The following CTTNBP2 variants were observed in gnomAD, a reference collection of about 807,000 sequenced individuals.
The protein encoded by CTTNBP2 is cortactin binding protein 2.
Under a neutral mutation model 156.9 loss-of-function variants are expected in CTTNBP2, and 108 were observed. That is an observed-to-expected ratio of 0.69 (90% confidence interval 0.59 to 0.81). CTTNBP2 has a LOEUF of 0.81. Ranked by LOEUF, CTTNBP2 falls within the 30% of genes least tolerant of loss-of-function variation. The pLI is 0.00. For synonymous variants in CTTNBP2, 767 were observed against 751.8 expected (o/e 1.02, Z -0.33); for missense variants, 1,924 against 2,035.4 (o/e 0.95, Z 1.05).
At chr7:117,760,928 C>A (rs1022780901) in intron 9 of CTTNBP2, among the ~76,000 whole-genome samples, 71 of 152,226 alleles carry the variant, frequency 4.7e-4, no homozygotes, top group Non-Finnish European at 7.4e-5. Flanking sequence ...CGAACTGTCT[C>A]TTTCCTTGTA....
chr7:117,854,526 C>T (rs1333869009), intron 2 of CTTNBP2, among the ~76,000 whole-genome samples: 1 of 152,148 alleles, frequency 6.6e-6, no homozygotes, highest in African/African-American at 2.4e-5. Context: ...AGCACTGAAC[C>T]ATACAACCAT....
rs1795088424 is a variant in CTTNBP2 at position 117,726,197 on chromosome 7, G to C, written c.4056-940C>G. On this transcript the variant is annotated intron_variant, in intron 17 of 22. Coordinates refer to ENST00000160373, the MANE Select transcript of CTTNBP2 (RefSeq NM_033427.3). ...TTCCATCAAAAAAAGATTATGCTTT[G>C]TTGCAGTATTAAAAAACACTTATAT... Among the ~76,000 whole-genome samples, 6 of 152,186 alleles carry C rather than the reference G, an allele frequency of 3.9e-5. No individual in the cohort carries two copies. The South Asian group carries it at 1.2e-3, about 32-fold the overall frequency.
chr7:117,834,592 AT>A (rs1353126525), intron 2 of CTTNBP2, among the ~76,000 whole-genome samples: 1 of 152,226 alleles, frequency 6.6e-6, no homozygotes, highest in Non-Finnish European at 1.5e-5. Context: ...TCAGTTTAGT[AT>A]TTAAATCCTA....
At chr7:117,716,006 G>A (rs1584876201) in intron 22 of CTTNBP2, 1 of 150,926 alleles carries the variant, frequency 6.6e-6, no homozygotes, top group East Asian at 1.9e-4. Context: ...GGCACTTTCT[G>A]AGAAAAACAT....
chr7:117,718,149 T>C (rs1476897778), intron 21 of CTTNBP2, 30 bp from the exon 22 acceptor site: 9 of 1,383,286 alleles, frequency 6.5e-6, no homozygotes, highest in Non-Finnish European at 9.3e-6. Context: ...CCCGGTCATG[T>C]CTCCACAGTC....
intron 1 of CTTNBP2, among the ~76,000 whole-genome samples, chr7:117,872,727 A>G (rs1024091476): frequency 2.0e-5 from 3 of 152,148 alleles, no homozygotes; most frequent in African/African-American, 7.2e-5. Flanking sequence ...GTAATGGGGC[A>G]GCAGGCTGCT....
chr7:117,738,555 G>A (rs1326119746), intron 14 of CTTNBP2, among the ~76,000 whole-genome samples: 1 of 152,154 alleles, frequency 6.6e-6, no homozygotes, highest in Non-Finnish European at 1.5e-5. Flanking sequence ...AAATCTCAGT[G>A]GCTGACTTAT....
intron 3 of CTTNBP2, among the ~76,000 whole-genome samples, chr7:117,808,419 C>T (rs1412453670): frequency 6.6e-6 from 1 of 152,112 alleles, no homozygotes; most frequent in Non-Finnish European, 1.5e-5. Context: ...AGCCTCAGTC[C>T]ATTTGCCAAA....
chr7:117,815,320 T>C (rs577661790), intron 2 of CTTNBP2, among the ~76,000 whole-genome samples: 1 of 152,294 alleles, frequency 6.6e-6, no homozygotes, highest in Admixed American at 6.5e-5. Flanking sequence ...TGCTATAATA[T>C]GAATGCAGTG....
chr7:117,847,977 C>G (rs1007902762), intron 2 of CTTNBP2, among the ~76,000 whole-genome samples: 1 of 151,840 alleles, frequency 6.6e-6, no homozygotes, highest in Admixed American at 6.6e-5. Flanking sequence ...TGCTGCCACG[C>G]CCAGCTAATC....
At chr7:117,801,270 T>C (rs1379243413) in intron 3 of CTTNBP2, among the ~76,000 whole-genome samples, 1 of 152,188 alleles carries the variant, frequency 6.6e-6, no homozygotes, top group African/African-American at 2.4e-5. Flanking sequence ...AAATTAGTTA[T>C]TAATACAAAA....
intron 1 of CTTNBP2, 48 bp downstream of exon 1, chr7:117,873,287 C>T (rs1053232918): frequency 1.5e-6 from 2 of 1,305,342 alleles, no homozygotes; most frequent in African/African-American, 1.6e-5. Flanking sequence ...GCGCCGCCCC[C>T]GGCCCGCGTC....
At chr7:117,793,366 C>T (rs758355145) in intron 3 of CTTNBP2, 6 of 152,186 alleles carry the variant, frequency 3.9e-5, no homozygotes, top group Non-Finnish European at 5.9e-5. Flanking sequence ...AGCTAAAGAA[C>T]GATCTTATTA....
Position 117,831,049 on chromosome 7 carries a change from C to T in CTTNBP2, c.190-20060G>A, listed in dbSNP as rs562311479. 2.6e-5 allele frequency among the ~76,000 whole-genome samples: 4 copies of T among 152,074 alleles called. No homozygotes were observed. In the East Asian group the frequency reaches 7.7e-4, roughly 29 times the overall value. ...TAACTGTGTATGAAATATTTATTGG[C>T]TATTAAACCTACATTTTAAACTTTT... On this transcript the variant is annotated intron_variant, in intron 2 of 22. Transcript: ENST00000160373.
intron 2 of CTTNBP2, among the ~76,000 whole-genome samples, chr7:117,837,786 T>C (rs1458995410): frequency 6.6e-6 from 1 of 152,052 alleles, no homozygotes; most frequent in African/African-American, 2.4e-5. Context: ...ACTCAAAAAG[T>C]TTTGGATTTT....
chr7:117,857,764 A>G (rs572061916), intron 2 of CTTNBP2, among the ~76,000 whole-genome samples: 59 of 152,258 alleles, frequency 3.9e-4, no homozygotes, highest in African/African-American at 1.3e-3. Flanking sequence ...GGAAATTTTG[A>G]TTCTTGATTT....
At position 117,792,031 on chromosome 7, in the gene CTTNBP2, C is replaced by G; in HGVS notation, c.1165G>C (p.Gly389Arg). Reference protein sequence around the residue: ...NKIEENGPSTGSTPDPTSSTP... With the variant: ...NKIEENGPSTRSTPDPTSSTP... The stretch of plus-strand genomic sequence containing the variant: ...CTACTGGTTGGATCTGGTGTTGAGC[C>G]AGTGCTTGGTCCATTTTCCTCAATT... The change falls in exon 4 of 23, where the codon GGC becomes CGC. Residue 389 changes from glycine to arginine, a missense_variant. Transcript: ENST00000160373. This position sits in a 1 kb window ranked among gnomAD's most constrained non-coding sequence, Gnocchi z 4.2. 1 of 1,614,062 alleles carries G rather than the reference C, an allele frequency of 6.2e-7. No individual in the cohort carries two copies. Among genetic ancestry groups the G allele is most frequent in the Non-Finnish European group, 8.5e-7 (1 of 1,180,028 alleles).
chr7:117,803,648 G>C (rs1799758298), intron 3 of CTTNBP2, among the ~76,000 whole-genome samples: 1 of 152,126 alleles, frequency 6.6e-6, no homozygotes, highest in African/African-American at 2.4e-5. Flanking sequence ...ATCCAAAAAG[G>C]TATGTCTGGA....
Position 117,791,989 on chromosome 7 carries a change from T to G in CTTNBP2, c.1207A>C (p.Ser403Arg), listed in dbSNP as rs770919024. 1.2e-5 allele frequency: 19 copies of G among 1,613,900 alleles called. No individual in the cohort carries two copies. Among genetic ancestry groups the G allele is most frequent in the African/African-American group, 8.0e-5 (6 of 74,848 alleles). The change falls in exon 4 of 23, where the codon AGT (serine) becomes CGT (arginine). Residue 403 changes from serine (S) to arginine (R), a missense_variant. By Grantham distance (110) the Ser-to-Arg change is moderately radical. Coordinates refer to ENST00000160373, the MANE Select transcript of CTTNBP2 (RefSeq NM_033427.3). ...DPTSSTPPLPSNAAPPTAQTP... is the reference protein window; with the variant it reads ...DPTSSTPPLPRNAAPPTAQTP... ...TGAGCGGTGGGAGGGGCAGCGTTAC[T>G]GGGAAGTGGGGGTGTGCTACTGGTT...
Sources: gnomAD v4.1 joint callset for allele counts (sites outside exome capture counted in the v4.1 genomes callset) on GRCh38, gnomAD v4.1.1 for gene constraint, Gnocchi (gnomAD v3.1) non-coding constraint, MANE v1.5 for transcripts, NCBI Gene and HGNC (gene_info 2026-07-23, HGNC 2026-07-21) for gene names.